The following CTTNBP2 variants were observed in gnomAD, a reference collection of about 807,000 sequenced individuals.
The protein encoded by CTTNBP2 is cortactin-binding protein 2.
In CTTNBP2, 108 loss-of-function variants were observed where a neutral mutation model predicts 156.9. The ratio of observed to expected loss-of-function variants is 0.69; its 90% CI spans 0.59 to 0.81. CTTNBP2 has a LOEUF of 0.81. CTTNBP2 is among the 30% of genes least tolerant of loss of function. The pLI, the probability that CTTNBP2 is intolerant of heterozygous loss-of-function variation, is 0.00. For synonymous variants in CTTNBP2, 767 were observed against 751.8 expected (o/e 1.02, Z -0.33); for missense variants, 1,924 against 2,035.4 (o/e 0.95, Z 1.05).
intron 3 of CTTNBP2, among the ~76,000 whole-genome samples, chr7:117,794,683 C>T (rs531933931): frequency 3.0e-4 from 46 of 152,144 alleles, no homozygotes; most frequent in Admixed American, 2.2e-3. Flanking sequence ...GGGATGCTTC[C>T]TGCTTTGACA....
chr7:117,851,700 A>G (rs1802939717), intron 2 of CTTNBP2, among the ~76,000 whole-genome samples: 1 of 152,166 alleles, frequency 6.6e-6, no homozygotes, highest in South Asian at 2.1e-4. Context: ...TCCTATCTAC[A>G]GTCCACCAAA....
chr7:117,860,091 T>A (rs1803610836), intron 2 of CTTNBP2, among the ~76,000 whole-genome samples: 3 of 152,126 alleles, frequency 2.0e-5, no homozygotes, highest in African/African-American at 7.2e-5. Flanking sequence ...AAATTAGACT[T>A]CCTAAGACAA....
In CTTNBP2 at chr7:117,791,888, A is replaced by G. The variant is rs768210435; in HGVS notation, c.1308T>C (p.Ser436=). ...TTCGTGGGTTTAGACCTGGATGCAAAGAGGTGTTGGCACATGGTGAATGTA... is the reference window on the plus strand; with the variant it reads ...TTCGTGGGTTTAGACCTGGATGCAAGGAGGTGTTGGCACATGGTGAATGTA... ...HSLHSPCANT[S]LHPGLNPRIQ... Residue 436 remains serine (S), a synonymous_variant, in exon 4 of 23, where the codon TCT becomes TCC. Coordinates refer to ENST00000160373, the MANE Select transcript of CTTNBP2 (RefSeq NM_033427.3). The G allele has an allele frequency of 1.9e-6, 3 of 1,614,208 alleles. No homozygotes were observed. Among genetic ancestry groups the G allele is most frequent in the East Asian group, 2.2e-5 (1 of 44,882 alleles).
rs1398616596 is a variant in CTTNBP2, at chr7:117,710,825, T to A, written c.*712A>T. Reference sequence around the variant, plus strand: ...TTATTCATTTATGCAGTTATCTATATCCACTTAGGTACAAAACTTTTGTAA... The same window carrying A: ...TTATTCATTTATGCAGTTATCTATAACCACTTAGGTACAAAACTTTTGTAA... On this transcript the variant is annotated 3_prime_UTR_variant, in exon 23 of 23. Transcript: ENST00000160373. 1 of 152,620 alleles carries A rather than the reference T, an allele frequency of 6.6e-6. No individual in the cohort carries two copies. The highest frequency in any genetic ancestry group is 1.5e-5 in the Non-Finnish European group (1 of 68,014). 9.5% of individuals were successfully genotyped at this position (152,620 alleles called of 1,614,324 possible). A position where few individuals can be genotyped will look rare whatever the true frequency, so the allele number is the denominator to read the frequency against.
intron 2 of CTTNBP2, among the ~76,000 whole-genome samples, chr7:117,823,417 T>A (rs1218102253): frequency 6.6e-6 from 1 of 152,222 alleles, no homozygotes; most frequent in Non-Finnish European, 1.5e-5. Context: ...TTAGAAAGGT[T>A]TATGTTTTCA....
chr7:117,767,892 A>G (rs1437670049), intron 8 of CTTNBP2, among the ~76,000 whole-genome samples: 1 of 152,184 alleles, frequency 6.6e-6, no homozygotes, highest in Non-Finnish European at 1.5e-5. Context: ...ATATATACAT[A>G]AATTTTCTAA....
At chr7:117,847,171 A>G (rs115643845) in intron 2 of CTTNBP2, among the ~76,000 whole-genome samples, 4,364 of 152,246 alleles carry the variant, frequency 0.029, 225 homozygotes, top group African/African-American at 0.1. Flanking sequence ...AAAAAAAAAA[A>G]TGCACAAGCT....
chr7:117,771,169 A>G (rs1797777765), intron 8 of CTTNBP2, among the ~76,000 whole-genome samples: 1 of 152,146 alleles, frequency 6.6e-6, no homozygotes. Context: ...GGGTGAGGGA[A>G]GTGCCAGGCT....
chr7:117,836,293 G>A (rs1488796112), intron 2 of CTTNBP2, among the ~76,000 whole-genome samples: 4 of 152,114 alleles, frequency 2.6e-5, no homozygotes, highest in East Asian at 1.9e-4. Context: ...GGCTGGGAGC[G>A]GTGGCTCACG....
intron 6 of CTTNBP2, among the ~76,000 whole-genome samples, chr7:117,781,757 C>G (rs1584994877): frequency 6.6e-6 from 1 of 152,102 alleles, no homozygotes; most frequent in Non-Finnish European, 1.5e-5. Flanking sequence ...AGAAAAAAAT[C>G]CATCCCCAGA....
chr7:117,853,749 G>C (rs1584555143), intron 2 of CTTNBP2, among the ~76,000 whole-genome samples: 1 of 152,082 alleles, frequency 6.6e-6, no homozygotes, highest in Admixed American at 6.5e-5. Flanking sequence ...ATTGAGCTGC[G>C]AAAAGCCTCA....
intron 2 of CTTNBP2, among the ~76,000 whole-genome samples, chr7:117,823,851 T>C (rs763587365): frequency 1.3e-5 from 2 of 151,954 alleles, no homozygotes; most frequent in Non-Finnish European, 2.9e-5. Context: ...GCACCACTAC[T>C]GGCTAATTTT....
In CTTNBP2 at chr7:117,791,116, CA is replaced by C; in HGVS notation, c.2068+11del. On this transcript the variant is annotated intron_variant, in intron 4 of 22. Coordinates refer to ENST00000160373, the MANE Select transcript of CTTNBP2 (RefSeq NM_033427.3). The stretch of plus-strand genomic sequence containing the variant: ...ATTCTTTAAAAAGCGTATAACATTT[CA>C]ATCCCTTTACCTGATGCTGTTACCA... The C allele has an allele frequency of 6.2e-7, 1 of 1,600,990 alleles. No homozygotes were observed. Among genetic ancestry groups the C allele is most frequent in the Non-Finnish European group, 8.5e-7 (1 of 1,171,238 alleles).
intron 2 of CTTNBP2, among the ~76,000 whole-genome samples, chr7:117,826,905 AG>A (rs1324750659): frequency 6.6e-6 from 1 of 150,796 alleles, no homozygotes; most frequent in African/African-American, 2.4e-5. Flanking sequence ...TCTGCTGTCC[AG>A]GCTGGAGTGC....
intron 2 of CTTNBP2, among the ~76,000 whole-genome samples, chr7:117,850,125 T>C (rs1334259247): frequency 6.6e-6 from 1 of 152,030 alleles, no homozygotes; most frequent in Non-Finnish European, 1.5e-5. Context: ...CCTCCAATTC[T>C]TCAACATTTC....
Position 117,847,819 on chromosome 7 carries a change from C to CTTTTTT in CTTNBP2, c.189+13384_189+13389dup, listed in dbSNP as rs201419286. Among the ~76,000 whole-genome samples the CTTTTTT allele has an allele frequency of 3.3e-3, 297 of 91,300 alleles. 44 individuals are homozygous for CTTTTTT. The highest frequency in any genetic ancestry group is 7.8e-3 in the African/African-American group (164 of 20,994). 59.9% of individuals were successfully genotyped at this position (91,300 alleles called of 152,430 possible). A position where few individuals can be genotyped will look rare whatever the true frequency, so the allele number is the denominator to read the frequency against. Reference sequence around the variant, plus strand: ...TTTTTATAGATCTTCTTTGCCTAACCTTTTTTTTTTTTTTTTTTTTTTTTT... The same window carrying CTTTTTT: ...TTTTTATAGATCTTCTTTGCCTAACCTTTTTTTTTTTTTTTTTTTTTTTTTTTTTTT... On this transcript the variant is annotated intron_variant, in intron 2 of 22. Transcript: ENST00000160373.
chr7:117,855,210 G>T (rs1175860688), intron 2 of CTTNBP2, among the ~76,000 whole-genome samples: 1 of 152,104 alleles, frequency 6.6e-6, no homozygotes, highest in Admixed American at 6.5e-5. Flanking sequence ...ACCTCATGCG[G>T]ACTGTTTGCA....
In CTTNBP2 at chr7:117,765,740, T is replaced by C. The variant is rs185681575; in HGVS notation, c.2896+1319A>G. ...ACACATCATTAAAACTTTTTGATGCTTGATCTGTTTCCAGACTCTCTATAG... is the reference window on the plus strand; with the variant it reads ...ACACATCATTAAAACTTTTTGATGCCTGATCTGTTTCCAGACTCTCTATAG... On this transcript the variant is annotated intron_variant, in intron 9 of 22. Coordinates refer to ENST00000160373, the MANE Select transcript of CTTNBP2 (RefSeq NM_033427.3). Among the ~76,000 whole-genome samples the C allele has an allele frequency of 9.8e-5, 15 of 152,294 alleles. No individual in the cohort carries two copies. In the East Asian group the frequency reaches 2.5e-3, roughly 25 times the overall value.
intron 9 of CTTNBP2, among the ~76,000 whole-genome samples, chr7:117,761,331 T>C (rs934287903): frequency 2.0e-5 from 3 of 152,232 alleles, no homozygotes; most frequent in African/African-American, 4.8e-5. Flanking sequence ...AAGTATTTGA[T>C]AAATGGTTAA....
Sources: gnomAD v4.1 joint callset for allele counts (sites outside exome capture counted in the v4.1 genomes callset) on GRCh38, gnomAD v4.1.1 for gene constraint, MANE v1.5 for transcripts, NCBI Gene and HGNC (gene_info 2026-07-23, HGNC 2026-07-21) for gene names.